NAALADL2: variants seen among roughly 807,000 people sequenced by gnomAD.
NAALADL2 encodes the protein inactive N-acetylated-alpha-linked acidic dipeptidase-like protein 2.
Under a neutral mutation model 87.2 loss-of-function variants are expected in NAALADL2, and 76 were observed. That is an observed-to-expected ratio of 0.87 (90% CI 0.72 to 1.05). The LOEUF (loss-of-function observed/expected upper bound fraction) is 1.05, where lower values mean the gene tolerates loss of function less well. NAALADL2 is among the 50% of genes least tolerant of loss of function. NAALADL2 has a pLI of 0.00. For synonymous variants in NAALADL2, 354 were observed against 331.0 expected (o/e 1.07, Z -0.75); for missense variants, 1,089 against 945.8 (o/e 1.15, Z -1.99).
chr3:175,319,859 A>G (rs1759622788), intron 4 of NAALADL2, among the ~76,000 whole-genome samples: 1 of 152,214 alleles, frequency 6.6e-6, no homozygotes, highest in South Asian at 2.1e-4. Flanking sequence ...CCTAGGCTGC[A>G]TCTGTCTCAT....
intron 2 of NAALADL2, among the ~76,000 whole-genome samples, chr3:174,714,380 A>G (rs952547313): frequency 4.6e-5 from 7 of 152,092 alleles, no homozygotes; most frequent in African/African-American, 1.7e-4. Context: ...GAATCTGTAA[A>G]TTACCTTGGG....
At chr3:175,574,158 A>G (rs927338270) in intron 9 of NAALADL2, among the ~76,000 whole-genome samples, 1 of 152,230 alleles carries the variant, frequency 6.6e-6, no homozygotes, top group African/African-American at 2.4e-5. Context: ...ATTACACCAC[A>G]TATTTTCAAG....
intron 5 of NAALADL2, among the ~76,000 whole-genome samples, chr3:175,393,267 C>A (rs1293613919): frequency 7.8e-4 from 75 of 96,388 alleles, no homozygotes; most frequent in African/African-American, 3.1e-3. Context: ...GGCGACAGAG[C>A]GAGACTCCGT....
chr3:175,262,575 AGT>A (rs71164625), intron 4 of NAALADL2, among the ~76,000 whole-genome samples: 8,055 of 147,012 alleles, frequency 0.055, 727 homozygotes, highest in African/African-American at 0.19. Flanking sequence ...ATGTTGTGTG[AGT>A]GTGTGTGTGT....
intron 2 of NAALADL2, among the ~76,000 whole-genome samples, chr3:175,221,135 G>A (rs1315074171): frequency 2.0e-5 from 3 of 150,482 alleles, no homozygotes; most frequent in African/African-American, 4.9e-5. Context: ...GGAGGCAGAG[G>A]TTGCAGTGAG....
At chr3:175,586,643 ACT>A in intron 10 of NAALADL2, among the ~76,000 whole-genome samples, 1 of 152,282 alleles carries the variant, frequency 6.6e-6, no homozygotes, top group East Asian at 1.9e-4. Flanking sequence ...GAAAAAATAA[ACT>A]CTACCTTTAT....
chr3:174,588,348 C>T (rs2084370), intron 2 of NAALADL2, among the ~76,000 whole-genome samples: 23,442 of 151,578 alleles, frequency 0.15, 1,935 homozygotes, highest in Non-Finnish European at 0.18. Flanking sequence ...TTGTTATTAC[C>T]GATCGTCTGA....
intron 1 of NAALADL2, among the ~76,000 whole-genome samples, chr3:174,937,302 A>G (rs1452490425): frequency 6.6e-6 from 1 of 152,060 alleles, no homozygotes; most frequent in Non-Finnish European, 1.5e-5. Context: ...TACAATTAGG[A>G]TAACAATGAA....
chr3:175,489,557 C>T (rs971461088), intron 9 of NAALADL2, among the ~76,000 whole-genome samples: 1 of 152,176 alleles, frequency 6.6e-6, no homozygotes, highest in Non-Finnish European at 1.5e-5. Flanking sequence ...CTTTTCAGTT[C>T]TGGATCACTG....
At chr3:175,734,460 G>T (rs1178912462) in intron 11 of NAALADL2, among the ~76,000 whole-genome samples, 1 of 152,140 alleles carries the variant, frequency 6.6e-6, no homozygotes, top group East Asian at 1.9e-4. Flanking sequence ...GGGAGGGTGA[G>T]GCAGGAGAAT....
At chr3:175,260,960 A>G (rs1581166494) in intron 4 of NAALADL2, among the ~76,000 whole-genome samples, 1 of 152,156 alleles carries the variant, frequency 6.6e-6, no homozygotes, top group Non-Finnish European at 1.5e-5. Context: ...ATTGCAGGGT[A>G]GGAACTATGA....
At chr3:174,737,838 A>G (rs1177806947) in intron 3 of NAALADL2, 2 of 152,196 alleles carry the variant, frequency 1.3e-5, no homozygotes, top group African/African-American at 4.8e-5. Flanking sequence ...TAGTGTGCCA[A>G]TAGCTGCTAA....
chr3:175,749,341 T>C (rs1746343074), intron 12 of NAALADL2, among the ~76,000 whole-genome samples: 1 of 152,132 alleles, frequency 6.6e-6, no homozygotes, highest in Non-Finnish European at 1.5e-5. Context: ...CTAATTGTCT[T>C]AGTTCATTTT....
intron 11 of NAALADL2, chr3:175,676,748 A>G (rs552822704): frequency 2.4e-4 from 36 of 152,152 alleles, no homozygotes; most frequent in African/African-American, 7.2e-4. Context: ...ACCCTTCCTG[A>G]CTTCCTTTTA....
chr3:175,256,191 A>G (rs1388735871), intron 3 of NAALADL2, among the ~76,000 whole-genome samples: 1 of 152,224 alleles, frequency 6.6e-6, no homozygotes, highest in East Asian at 1.9e-4. Context: ...GAGCAAAGCA[A>G]AAATGACTCA....
intron 4 of NAALADL2, among the ~76,000 whole-genome samples, chr3:175,294,534 T>G (rs1756064448): frequency 6.6e-6 from 1 of 152,206 alleles, no homozygotes; most frequent in Non-Finnish European, 1.5e-5. Flanking sequence ...AGCAGTCACC[T>G]AAAGATATGA....
intron 2 of NAALADL2, among the ~76,000 whole-genome samples, chr3:174,674,779 T>C (rs1371674655): frequency 6.6e-6 from 1 of 152,080 alleles, no homozygotes. Flanking sequence ...TCTGACTTTC[T>C]CTTCTCATCC....
chr3:174,662,244 A>T (rs1034955871), intron 2 of NAALADL2, among the ~76,000 whole-genome samples: 2 of 152,170 alleles, frequency 1.3e-5, no homozygotes, highest in Admixed American at 1.3e-4. Context: ...TTTCGTTTAG[A>T]AGTACTTTTA....
chr3:175,205,070 C>A (rs1416393009), intron 2 of NAALADL2, among the ~76,000 whole-genome samples: 4 of 151,948 alleles, frequency 2.6e-5, no homozygotes, highest in African/African-American at 9.7e-5. Flanking sequence ...ATCAAAATAC[C>A]ACCATCATTC....
Sources: gnomAD v4.1 joint callset for allele counts (sites outside exome capture counted in the v4.1 genomes callset) on GRCh38, gnomAD v4.1.1 for gene constraint, MANE v1.5 for transcripts, NCBI Gene and HGNC (gene_info 2026-07-23, HGNC 2026-07-21) for gene names.